DMRTC1: variants seen among roughly 807,000 people sequenced by gnomAD.
The protein encoded by DMRTC1 is doublesex- and mab-3-related transcription factor C1.
For synonymous variants in DMRTC1, 7 were observed against 14.1 expected (o/e 0.50, Z 1.13); for missense variants, 9 against 34.6 (o/e 0.26, Z 1.86).
intron 1 of DMRTC1, among the ~76,000 whole-genome samples, chrX:72,879,734 C>CCGTT (rs1556352513): frequency 8.8e-6 from 1 of 113,476 alleles, no homozygotes; most frequent in African/African-American, 3.2e-5. Flanking sequence ...TCTTTCTTTT[C>CCGTT]CTTTCTTTCT....
At chrX:72,886,990 T>G (rs1337576465) in intron 1 of DMRTC1, among the ~76,000 whole-genome samples, 5 of 107,629 alleles carry the variant, frequency 4.6e-5, no homozygotes, top group Non-Finnish European at 7.7e-5. Flanking sequence ...TTTTTTTTTT[T>G]GTAGCTACTG....
chrX:72,882,239 G>A (rs1283157554), intron 1 of DMRTC1, among the ~76,000 whole-genome samples: 1 of 59,737 alleles, frequency 1.7e-5, no homozygotes, highest in Non-Finnish European at 3.1e-5. Context: ...CGTTGTTGTC[G>A]ATGTTGCATT....
At chrX:72,879,356 TTTCCCTTCCCTTCCC>T (rs202023303) in intron 1 of DMRTC1, among the ~76,000 whole-genome samples, 4 of 16,574 alleles carry the variant, frequency 2.4e-4, no homozygotes, top group East Asian at 6.1e-3. Flanking sequence ...TTTGCTTTCC[TTTCCCTTCCCTTCCC>T]TTCCCTTCCC....
At chrX:72,880,622 C>A (rs2054846851) in intron 1 of DMRTC1, among the ~76,000 whole-genome samples, 1 of 20,079 alleles carries the variant, frequency 5.0e-5, no homozygotes, top group South Asian at 3.1e-3. Flanking sequence ...CTTTGCTTTG[C>A]TTTGCTTTGC....
chrX:72,872,921 G>A (rs1285569113), intron 6 of DMRTC1, among the ~76,000 whole-genome samples: 1 of 56,913 alleles, frequency 1.8e-5, no homozygotes, highest in East Asian at 1.6e-3. Flanking sequence ...CCCTCCAGGG[G>A]TGTTTCTTCA....
intron 1 of DMRTC1, among the ~76,000 whole-genome samples, chrX:72,939,705 TGAGTCCCACG>T (rs2055050714): frequency 2.3e-5 from 2 of 86,692 alleles, no homozygotes; most frequent in African/African-American, 8.7e-5. Flanking sequence ...AATGAGGAGC[TGAGTCCCACG>T]GGTGCTCCCA....
intron 1 of DMRTC1, among the ~76,000 whole-genome samples, chrX:72,905,839 A>G (rs2054929109): frequency 9.0e-6 from 1 of 111,209 alleles, no homozygotes; most frequent in African/African-American, 3.4e-5. Flanking sequence ...GAAAAGAAGA[A>G]CAAACTAACT....
chrX:72,913,588 C>T (rs1392479741), intron 1 of DMRTC1, among the ~76,000 whole-genome samples: 24 of 98,074 alleles, frequency 2.4e-4, no homozygotes, highest in Non-Finnish European at 3.4e-4. Flanking sequence ...AGCCAATCAA[C>T]GGTGAGTTTT....
At chrX:72,923,910 G>GA (rs1369441659) in intron 1 of DMRTC1, among the ~76,000 whole-genome samples, 1 of 80,403 alleles carries the variant, frequency 1.2e-5, no homozygotes, top group Non-Finnish European at 2.4e-5. Context: ...AGGCAAGAGA[G>GA]AAAATGAGAG....
intron 1 of DMRTC1, among the ~76,000 whole-genome samples, chrX:72,916,199 T>C (rs1349180316): frequency 9.5e-6 from 1 of 105,402 alleles, no homozygotes; most frequent in African/African-American, 4.0e-5. Flanking sequence ...CATGTTTTTG[T>C]TTTATTATTC....
At chrX:72,879,804 TCCTC>T (rs1246805749) in intron 1 of DMRTC1, among the ~76,000 whole-genome samples, 1 of 98,160 alleles carries the variant, frequency 1.0e-5, no homozygotes, top group Non-Finnish European at 2.1e-5. Context: ...CTTCCTTCCT[TCCTC>T]CCTCCCTCCT....
At chrX:72,874,630 G>T in intron 4 of DMRTC1, among the ~76,000 whole-genome samples, 195 bp downstream of exon 4, 1 of 99,276 alleles carries the variant, frequency 1.0e-5, no homozygotes, top group East Asian at 4.8e-4. Flanking sequence ...GTTAGTATTA[G>T]ATGCTGCCTT....
rs2054776502 is a variant in DMRTC1, at chrX:72,872,679, C to T, written c.467-115G>A. Reference sequence around the variant, plus strand: ...TTTGTCACCTGGACTGTTGCATAGACCTCTTCCTCTCTGATTTCCCCATCT... The same window carrying T: ...TTTGTCACCTGGACTGTTGCATAGATCTCTTCCTCTCTGATTTCCCCATCT... On this transcript the variant is annotated intron_variant, in intron 6 of 6. Coordinates refer to ENST00000615063, the MANE Select transcript of DMRTC1 (RefSeq NM_033053.3). The T allele has an allele frequency of 9.1e-6, 8 of 879,071 alleles. No homozygotes were observed. In the African/African-American group the frequency reaches 1.6e-4, roughly 17 times the overall value. 72.4% of individuals were successfully genotyped at this position (879,071 alleles called of 1,213,427 possible).
intron 6 of DMRTC1, 94 bp from the exon 7 acceptor site, chrX:72,872,658 T>A: frequency 8.8e-7 from 1 of 1,133,303 alleles, no homozygotes; most frequent in Non-Finnish European, 1.2e-6. Context: ...CAAAGATTTG[T>A]CACCTGGACT....
At chrX:72,881,938 G>A (rs1482119837) in intron 1 of DMRTC1, among the ~76,000 whole-genome samples, 5 of 114,589 alleles carry the variant, frequency 4.4e-5, no homozygotes, top group Admixed American at 2.7e-4. Context: ...GTATTCATCA[G>A]TTTTATCACT....
At chrX:72,913,315 C>A (rs2054966445) in intron 1 of DMRTC1, 2 of 680,838 alleles carry the variant, frequency 2.9e-6, no homozygotes, top group Admixed American at 5.6e-5. Context: ...TGAACGGTGA[C>A]CGAGCCCCCT....
At chrX:72,874,574 C>G (rs2147883410) in intron 4 of DMRTC1, among the ~76,000 whole-genome samples, 1 of 71,695 alleles carries the variant, frequency 1.4e-5, no homozygotes, top group East Asian at 9.9e-4. Context: ...TGTCCAAAGT[C>G]TCACAAATAG....
intron 6 of DMRTC1, 88 bp from the exon 7 acceptor site, chrX:72,872,652 G>A (rs1372451288): frequency 8.6e-7 from 1 of 1,161,629 alleles, no homozygotes; most frequent in Non-Finnish European, 1.1e-6. Flanking sequence ...CCCAACCAAA[G>A]ATTTGTCACC....
intron 4 of DMRTC1, among the ~76,000 whole-genome samples, chrX:72,874,400 C>A (rs1252452949): frequency 3.4e-5 from 1 of 29,338 alleles, no homozygotes; most frequent in Non-Finnish European, 5.6e-5. Flanking sequence ...TTCAGCAGGA[C>A]CTTCTATCCC....
Sources: allele counts gnomAD v4.1 joint callset (sites outside exome capture counted in the v4.1 genomes callset), GRCh38; gene constraint gnomAD v4.1.1; transcripts MANE v1.5; gene names NCBI Gene and HGNC (gene_info 2026-07-23, HGNC 2026-07-21).